The following DOCK9 variants were observed in gnomAD, a reference collection of about 807,000 sequenced individuals.
DOCK9 encodes the protein dedicator of cytokinesis protein 9.
Under a neutral mutation model 263.3 loss-of-function variants are expected in DOCK9, and 89 were observed. The ratio of observed to expected loss-of-function variants is 0.34; its 90% CI spans 0.28 to 0.40. DOCK9 has a LOEUF of 0.40. Ranked by LOEUF, DOCK9 falls within the 10% of genes least tolerant of loss-of-function variation. The pLI, the probability that DOCK9 is intolerant of heterozygous loss-of-function variation, is 1.00. For missense variants in DOCK9, 2,140 were observed against 2,603.4 expected, an observed-to-expected ratio of 0.82 and a Z score of 3.87; for synonymous variants, 976 against 973.1, an observed-to-expected ratio of 1.00 and a Z score of -0.06.
chr13:98,823,600 C>T (rs2140674380), intron 45 of DOCK9, among the ~76,000 whole-genome samples: 1 of 152,296 alleles, frequency 6.6e-6, no homozygotes, highest in Middle Eastern at 3.4e-3. Context: ...AAAAGCTTTC[C>T]CTCAGCTGTT....
intron 1 of DOCK9, among the ~76,000 whole-genome samples, chr13:99,038,288 C>CCGCTTTTTT (rs1888110933): frequency 1.2e-5 from 1 of 86,264 alleles, no homozygotes; most frequent in Non-Finnish European, 2.2e-5. Flanking sequence ...TTATGCCCCC[C>CCGCTTTTTT]TTTTTTTTTT....
chr13:98,932,885 A>G (rs2054191130), intron 2 of DOCK9, among the ~76,000 whole-genome samples: 1 of 152,210 alleles, frequency 6.6e-6, no homozygotes, highest in Non-Finnish European at 1.5e-5. Context: ...AGTATTACAA[A>G]GAAACAGTGA....
intron 1 of DOCK9, among the ~76,000 whole-genome samples, chr13:99,057,395 A>G (rs1011665285): frequency 1.4e-4 from 22 of 152,298 alleles, no homozygotes; most frequent in Non-Finnish European, 2.9e-4. Flanking sequence ...GTATTCTTAA[A>G]TCTTAATTTT....
intron 45 of DOCK9, among the ~76,000 whole-genome samples, chr13:98,813,813 G>A (rs1435201337): frequency 6.6e-6 from 1 of 151,798 alleles, no homozygotes; most frequent in Non-Finnish European, 1.5e-5. Context: ...CTAATTTTTT[G>A]TATTTTTAGT....
intron 1 of DOCK9, among the ~76,000 whole-genome samples, chr13:98,969,251 G>A (rs527894916): frequency 1.3e-5 from 2 of 152,304 alleles, no homozygotes; most frequent in South Asian, 4.1e-4. Flanking sequence ...TCCCATGTAA[G>A]TCCAGCATGT....
At chr13:98,963,896 G>A (rs1156876324) in intron 1 of DOCK9, among the ~76,000 whole-genome samples, 3 of 152,228 alleles carry the variant, frequency 2.0e-5, no homozygotes, top group South Asian at 2.1e-4. Context: ...TATCATGCAC[G>A]TGACTCTCGC....
At chr13:98,897,447 C>T in intron 15 of DOCK9, 41 bp downstream of exon 15, 11 of 1,609,980 alleles carry the variant, frequency 6.8e-6, no homozygotes, top group Non-Finnish European at 9.3e-6. Flanking sequence ...CACTACACAG[C>T]TTCTATTTTT....
At chr13:99,045,098 G>A (rs181629452) in intron 1 of DOCK9, among the ~76,000 whole-genome samples, 2 of 152,250 alleles carry the variant, frequency 1.3e-5, no homozygotes, top group East Asian at 3.9e-4. Context: ...AACAGTATGG[G>A]GGTTCCTTAA....
chr13:98,949,296 G>A (rs2057111159), intron 2 of DOCK9, among the ~76,000 whole-genome samples: 2 of 152,166 alleles, frequency 1.3e-5, no homozygotes, highest in East Asian at 1.9e-4. Context: ...TTCTTCCTAT[G>A]TGTATTTCAA....
chr13:98,955,560 C>T lies in DOCK9; in HGVS notation c.127-9G>A, dbSNP rs750646995. Reference sequence around the variant, plus strand: ...ATTAGCTTTGGCTTTGCCTGGAGGGCGAAAAGATAAGCAAGACATTCTCAT... The same window carrying T: ...ATTAGCTTTGGCTTTGCCTGGAGGGTGAAAAGATAAGCAAGACATTCTCAT... On this transcript the variant is annotated splice_polypyrimidine_tract_variant and intron_variant, in intron 1 of 52. Transcript: ENST00000682017. 39 of 1,561,592 alleles carry T rather than the reference C, an allele frequency of 2.5e-5. No individual in the cohort carries two copies. The Admixed American group carries it at 3.7e-4, about 15-fold the overall frequency.
intron 2 of DOCK9, among the ~76,000 whole-genome samples, chr13:98,944,382 GAAAAA>G (rs59677048): frequency 2.7e-5 from 2 of 73,178 alleles, no homozygotes; most frequent in African/African-American, 1.1e-4. Context: ...CACTATATGA[GAAAAA>G]AAAAAAAAAA....
At chr13:99,056,752 C>T (rs2040941947) in intron 1 of DOCK9, among the ~76,000 whole-genome samples, 6 of 152,220 alleles carry the variant, frequency 3.9e-5, no homozygotes, top group Admixed American at 3.9e-4. Context: ...TTCCCTTCCC[C>T]CAGTGGCAAT....
At position 98,850,133 on chromosome 13, in the gene DOCK9, T is replaced by G. The variant is rs753590906; in HGVS notation, c.3947-20A>C. 7.0e-7 allele frequency: 1 copy of G among 1,437,650 alleles called. No individual in the cohort carries two copies. Among genetic ancestry groups the G allele is most frequent in the East Asian group, 2.4e-5 (1 of 41,610 alleles). The allele number at this position is 1,437,650 out of a possible 1,614,324, so 89.1% of individuals were successfully genotyped here. ...AAGCATCTAGAAAATAAACATTTAC[T>G]TAGAATCACAATACATATGATATAC... is the stretch of plus-strand genomic sequence containing the variant. On this transcript the variant is annotated intron_variant, in intron 35 of 52. Transcript: ENST00000682017.
intron 20 of DOCK9, 146 bp from the exon 21 acceptor site, chr13:98,885,238 T>A (rs2045498707): frequency 1.6e-5 from 18 of 1,113,744 alleles, no homozygotes; most frequent in Non-Finnish European, 2.3e-5. Context: ...AAATGTAATC[T>A]CTGCAGAACA....
chr13:98,977,019 C>G (rs1281310694), intron 1 of DOCK9, among the ~76,000 whole-genome samples: 7 of 152,136 alleles, frequency 4.6e-5, no homozygotes. Flanking sequence ...GCTCAATTGT[C>G]CCCCCTCTGC....
intron 27 of DOCK9, among the ~76,000 whole-genome samples, chr13:98,868,799 A>G (rs575396818): frequency 6.6e-6 from 1 of 152,332 alleles, no homozygotes; most frequent in African/African-American, 2.4e-5. Flanking sequence ...TTTATCTGAA[A>G]TTGGAAAAAA....
At chr13:99,031,461 T>C (rs1365708484) in intron 1 of DOCK9, among the ~76,000 whole-genome samples, 2 of 152,208 alleles carry the variant, frequency 1.3e-5, no homozygotes, top group Admixed American at 1.3e-4. Flanking sequence ...ATGAGGATAA[T>C]ATAAGAAGGA....
intron 45 of DOCK9, among the ~76,000 whole-genome samples, chr13:98,813,657 G>C (rs2091534835): frequency 6.6e-6 from 1 of 151,514 alleles, no homozygotes; most frequent in Non-Finnish European, 1.5e-5. Flanking sequence ...TTTATTTTTT[G>C]AGACAGAATT....
chr13:98,897,348 G>A, intron 15 of DOCK9, 140 bp downstream of exon 15: 3 of 1,047,636 alleles, frequency 2.9e-6, no homozygotes, highest in Non-Finnish European at 4.1e-6. Context: ...CTTCTCAAGG[G>A]TTTGAGGAAA....
Sources: gnomAD v4.1 joint callset for allele counts (sites outside exome capture counted in the v4.1 genomes callset) on GRCh38, gnomAD v4.1.1 for gene constraint, MANE v1.5 for transcripts, NCBI Gene and HGNC (gene_info 2026-07-23, HGNC 2026-07-21) for gene names.